Variants in MORC1 observed in about 807,000 individuals in gnomAD.
MORC1 encodes the protein MORC family CW-type zinc finger 1, also known as MORC family CW-type zinc finger protein 1.
In MORC1, 59 loss-of-function variants were observed where a neutral mutation model predicts 134.9. The ratio of observed to expected loss-of-function variants is 0.44; its 90% CI spans 0.35 to 0.54. MORC1 has a LOEUF of 0.54. Among genes scored for constraint, MORC1 ranks in the 20% least tolerant of loss-of-function variants. The pLI, the probability that MORC1 is intolerant of heterozygous loss-of-function variation, is 0.00. For synonymous variants in MORC1, 395 were observed against 391.7 expected, an observed-to-expected ratio of 1.01 and a Z score of -0.10; for missense variants, 947 against 1,134.5, an observed-to-expected ratio of 0.83 and a Z score of 2.37.
intron 13 of MORC1, among the ~76,000 whole-genome samples, chr3:109,055,790 C>A (rs1949944988): frequency 6.6e-6 from 1 of 152,122 alleles, no homozygotes; most frequent in African/African-American, 2.4e-5. Flanking sequence ...GGGTGGCAGG[C>A]ATGAAGCTAA....
At chr3:109,016,260 G>A (rs1415930704) in intron 17 of MORC1, among the ~76,000 whole-genome samples, 1 of 152,042 alleles carries the variant, frequency 6.6e-6, no homozygotes, top group African/African-American at 2.4e-5. Context: ...CAAGAAATAT[G>A]CATAATTCTC....
intron 16 of MORC1, among the ~76,000 whole-genome samples, chr3:109,028,948 A>G (rs948641542): frequency 7.2e-5 from 11 of 152,160 alleles, no homozygotes; most frequent in African/African-American, 2.7e-4. Context: ...TGAGCTACCA[A>G]AAAGAGGAGG....
intron 1 of MORC1, among the ~76,000 whole-genome samples, chr3:109,117,186 G>A (rs761407019): frequency 6.6e-6 from 1 of 152,074 alleles, no homozygotes; most frequent in Non-Finnish European, 1.5e-5. Context: ...GTTTAACTCT[G>A]CTATGTTAAA....
chr3:109,100,565 G>T, intron 4 of MORC1, 58 bp from the exon 5 acceptor site: 1 of 1,332,774 alleles, frequency 7.5e-7, no homozygotes, highest in Non-Finnish European at 1.1e-6. Flanking sequence ...CTGGCCTGAG[G>T]CCCAGCTGTC....
chr3:109,059,069 T>C (rs1459425717), intron 12 of MORC1, among the ~76,000 whole-genome samples: 3 of 152,174 alleles, frequency 2.0e-5, no homozygotes, highest in Admixed American at 1.3e-4. Context: ...CATTTATTTA[T>C]TTTGATAAAT....
chr3:108,990,898 T>TCTCTCTCTCTCTCTCTCTCTC lies in MORC1; in HGVS notation c.2188-3950_2188-3949insGAGAGAGAGAGAGAGAGAGAG, dbSNP rs1559876202. Reference sequence around the variant, plus strand: ...AAGGCTTAGGTTTATGTTTCTCTCTTTCTCTCTCTCTCTCTCTCTCTCTCT... The same window carrying TCTCTCTCTCTCTCTCTCTCTC: ...AAGGCTTAGGTTTATGTTTCTCTCTTCTCTCTCTCTCTCTCTCTCTCTCTCTCTCTCTCTCTCTCTCTCTCT... On this transcript the variant is annotated intron_variant, in intron 21 of 27. Coordinates refer to ENST00000232603, the MANE Select transcript of MORC1 (RefSeq NM_014429.4). Among the ~76,000 whole-genome samples the TCTCTCTCTCTCTCTCTCTCTC allele has an allele frequency of 1.9e-3, 280 of 145,732 alleles. 3 individuals carry two copies. Among genetic ancestry groups the TCTCTCTCTCTCTCTCTCTCTC allele is most frequent in the African/African-American group, 6.8e-3 (271 of 39,690 alleles).
chr3:109,074,220 C>T (rs192103264), intron 8 of MORC1, among the ~76,000 whole-genome samples: 15 of 152,290 alleles, frequency 9.8e-5, no homozygotes, highest in Admixed American at 9.2e-4. Flanking sequence ...TGCCTGAGAT[C>T]GATCCCGAGC....
intron 12 of MORC1, 65 bp downstream of exon 12, chr3:109,059,741 A>T (rs924629329): frequency 1.4e-6 from 2 of 1,448,500 alleles, no homozygotes; most frequent in Non-Finnish European, 1.9e-6. Context: ...CTGCCTACTT[A>T]GAAACCAGAA....
At chr3:109,062,348 A>T (rs2107686468) in intron 10 of MORC1, among the ~76,000 whole-genome samples, 1 of 152,170 alleles carries the variant, frequency 6.6e-6, no homozygotes, top group East Asian at 1.9e-4. Context: ...ATATAGAGCT[A>T]CTACTCACTC....
Position 109,027,735 on chromosome 3 carries a change from A to G in MORC1, c.1704+16T>C. On this transcript the variant is annotated intron_variant, in intron 17 of 27. Coordinates refer to ENST00000232603, the MANE Select transcript of MORC1 (RefSeq NM_014429.4). ...AGAGTCACAGTAGAATTAGGGAGGA[A>G]TTAATCACAACTCACCTGTGGCTGC... 6.2e-7 allele frequency: 1 copy of G among 1,613,614 alleles called. No homozygotes were observed. The highest frequency in any genetic ancestry group is 8.5e-7 in the Non-Finnish European group (1 of 1,179,658).
At chr3:108,963,864 T>C (rs1947148568) in intron 26 of MORC1, among the ~76,000 whole-genome samples, 2 of 152,214 alleles carry the variant, frequency 1.3e-5, no homozygotes, top group Admixed American at 1.3e-4. Flanking sequence ...ACAGTGAGCT[T>C]GGAGACCTTT....
In MORC1 at chr3:109,098,633, C is replaced by T. The variant is rs539307316; in HGVS notation, c.423+725G>A. Among the ~76,000 whole-genome samples the T allele has an allele frequency of 7.4e-4, 113 of 152,312 alleles. No individual in the cohort carries two copies. In the South Asian group the frequency reaches 7.9e-3, roughly 11 times the overall value. On this transcript the variant is annotated intron_variant, in intron 6 of 27. Transcript: ENST00000232603. ...ACTCGAGGCCCTCTATCTCTCCATCCATATCATTGCTTTTGATAATCTGGT... is the reference window on the plus strand; with the variant it reads ...ACTCGAGGCCCTCTATCTCTCCATCTATATCATTGCTTTTGATAATCTGGT...
intron 14 of MORC1, among the ~76,000 whole-genome samples, chr3:109,041,956 A>T (rs955878944): frequency 1.3e-5 from 2 of 152,126 alleles, no homozygotes; most frequent in African/African-American, 2.4e-5. Context: ...AAAAAAAAAA[A>T]TTGAATAAAA....
intron 21 of MORC1, among the ~76,000 whole-genome samples, chr3:108,992,766 G>C (rs1948100114): frequency 6.6e-6 from 1 of 152,044 alleles, no homozygotes; most frequent in African/African-American, 2.4e-5. Flanking sequence ...GCAGCTCCCG[G>C]TATTTTCACT....
At chr3:109,040,216 T>C (rs564899233) in intron 14 of MORC1, among the ~76,000 whole-genome samples, 2 of 151,198 alleles carry the variant, frequency 1.3e-5, no homozygotes, top group East Asian at 2.0e-4. Context: ...AAATCACAAG[T>C]CATACGTAGA....
chr3:109,101,871 C>A (rs189861878), intron 4 of MORC1, among the ~76,000 whole-genome samples: 192 of 152,266 alleles, frequency 1.3e-3, no homozygotes, highest in African/African-American at 4.4e-3. Flanking sequence ...AGGATTATAA[C>A]CCAAAGTTCT....
At chr3:108,977,688 G>C (rs1351291279) in intron 24 of MORC1, among the ~76,000 whole-genome samples, 3 of 152,086 alleles carry the variant, frequency 2.0e-5, no homozygotes, top group Non-Finnish European at 4.4e-5. Flanking sequence ...CAACCAATAG[G>C]CCTGAATTTT....
chr3:108,982,996 A>T (rs1246236341), intron 23 of MORC1, among the ~76,000 whole-genome samples: 8 of 151,936 alleles, frequency 5.3e-5, no homozygotes, highest in Non-Finnish European at 1.0e-4. Flanking sequence ...TCTAACATTC[A>T]TATTGTATTT....
chr3:109,047,598 A>C (rs1325270185), intron 14 of MORC1, among the ~76,000 whole-genome samples: 1 of 151,870 alleles, frequency 6.6e-6, no homozygotes, highest in Admixed American at 6.6e-5. Context: ...CCATCTTTTT[A>C]TTTGCTGGGA....
Sources: allele counts gnomAD v4.1 joint callset (sites outside exome capture counted in the v4.1 genomes callset), GRCh38; gene constraint gnomAD v4.1.1; transcripts MANE v1.5; gene names NCBI Gene and HGNC (gene_info 2026-07-23, HGNC 2026-07-21).